Variants in NUCB2 observed in about 807,000 individuals in gnomAD.
NUCB2 encodes nucleobindin-2.
NUCB2 carries 48 observed loss-of-function variants against 57.9 expected under a neutral mutation model. The observed-to-expected ratio is 0.83, with a 90% CI of 0.66 to 1.05. NUCB2 has a LOEUF of 1.05. Ranked by LOEUF, NUCB2 falls within the 50% of genes least tolerant of loss-of-function variation. The probability of loss-of-function intolerance (pLI) is 0.00; values close to 1 mark genes in which losing one functional copy is unlikely to be tolerated. For synonymous variants in NUCB2, 139 were observed against 152.1 expected (o/e 0.91, Z 0.64); for missense variants, 442 against 476.2 (o/e 0.93, Z 0.67).
chr11:17,343,107 T>C (rs1181679374), intron 2 of NUCB2, among the ~76,000 whole-genome samples: 2 of 151,898 alleles, frequency 1.3e-5, no homozygotes, highest in African/African-American at 4.8e-5. Flanking sequence ...TGGTTTAAAG[T>C]CTGTTTTATC....
intron 10 of NUCB2, among the ~76,000 whole-genome samples, chr11:17,313,025 T>TC (rs1384814300): frequency 3.1e-4 from 47 of 151,852 alleles, no homozygotes; most frequent in Non-Finnish European, 6.3e-4. Context: ...TTTATTTTTT[T>TC]TAAGAGACAG....
At chr11:17,280,698 CTT>C in intron 1 of NUCB2, among the ~76,000 whole-genome samples, 1 of 152,296 alleles carries the variant, frequency 6.6e-6, no homozygotes, top group South Asian at 2.1e-4. Flanking sequence ...TGCATCAGGA[CTT>C]TGGTTCTGGC....
intron 2 of NUCB2, among the ~76,000 whole-genome samples, chr11:17,294,632 A>G (rs1246620514): frequency 7.9e-6 from 1 of 127,208 alleles, no homozygotes; most frequent in East Asian, 2.6e-4. Flanking sequence ...AAATGGGGTT[A>G]TGTGTTCTTT....
At chr11:17,282,681 T>G (rs1053834290) in intron 1 of NUCB2, 108 bp from the exon 2 acceptor site, 2 of 152,218 alleles carry the variant, frequency 1.3e-5, no homozygotes, top group Non-Finnish European at 2.9e-5. Flanking sequence ...ACTTTTCACA[T>G]TATGTGACAA....
At chr11:17,337,508 T>C (rs942171025) in exon 2 of NUCB2, 23 of 152,332 alleles carry the variant, frequency 1.5e-4, no homozygotes, top group African/African-American at 5.3e-4. Flanking sequence ...AAAATTCATT[T>C]GTTTCTGTTG....
At chr11:17,293,237 G>A (rs214104) in intron 2 of NUCB2, among the ~76,000 whole-genome samples, 32,786 of 142,582 alleles carry the variant, frequency 0.23, 4,520 homozygotes, top group East Asian at 0.35. Context: ...CTGGGCGATA[G>A]AGCAAGACTC....
At chr11:17,303,459 A>G (rs1947098954) in intron 5 of NUCB2, among the ~76,000 whole-genome samples, 1 of 152,232 alleles carries the variant, frequency 6.6e-6, no homozygotes, top group African/African-American at 2.4e-5. Flanking sequence ...ATTTTGATGT[A>G]TCAAAAAAAA....
intron 11 of NUCB2, among the ~76,000 whole-genome samples, chr11:17,328,317 C>T (rs545089253): frequency 3.3e-5 from 5 of 152,344 alleles, no homozygotes; most frequent in African/African-American, 7.2e-5. Context: ...GCCATCACCA[C>T]GGAACTGTGC....
At chr11:17,331,326 T>A (rs944512207) in intron 13 of NUCB2, 86 bp from the exon 14 acceptor site, 2 of 718,740 alleles carry the variant, frequency 2.8e-6, no homozygotes, top group African/African-American at 3.7e-5. Flanking sequence ...GCATATTTTT[T>A]AAAACAAGTA....
At chr11:17,308,470 C>T (rs1290342954) in intron 5 of NUCB2, among the ~76,000 whole-genome samples, 2 of 152,190 alleles carry the variant, frequency 1.3e-5, no homozygotes, top group Admixed American at 1.3e-4. Flanking sequence ...GTGCTAATTC[C>T]CATTCATCTC....
In NUCB2 at chr11:17,330,791, A is replaced by T; in HGVS notation, c.1174-111A>T. 1.3e-6 allele frequency: 1 copy of T among 747,568 alleles called. No homozygotes were observed. The highest frequency in any genetic ancestry group is 2.7e-5 in the East Asian group (1 of 36,738). 46.3% of individuals were successfully genotyped at this position (747,568 alleles called of 1,614,324 possible). ...GTCAAATCTAAATCTTATAGTTTGA[A>T]TATCTTTGTTTTAGAAAACAATTTT... On this transcript the variant is annotated intron_variant, in intron 12 of 13. Transcript: ENST00000529010. This position sits in a 1 kb window ranked among gnomAD's most constrained non-coding sequence, Gnocchi z 4.3.
At chr11:17,282,150 A>T (rs538243986) in intron 1 of NUCB2, among the ~76,000 whole-genome samples, 7 of 151,228 alleles carry the variant, frequency 4.6e-5, no homozygotes, top group Non-Finnish European at 8.8e-5. Context: ...TAGTTATTCA[A>T]GAGTGGAGGA....
At chr11:17,291,567 T>C (rs1405108214) in intron 2 of NUCB2, among the ~76,000 whole-genome samples, 1 of 45,238 alleles carries the variant, frequency 2.2e-5, no homozygotes, top group Non-Finnish European at 5.1e-5. Context: ...AAAATCAGTC[T>C]TTTGTCCTTT....
At position 17,296,207 on chromosome 11, in the gene NUCB2, T is replaced by C. The variant is rs1017413459; in HGVS notation, c.248T>C (p.Ile83Thr). 4.4e-6 allele frequency: 7 copies of C among 1,582,880 alleles called. No homozygotes were observed. The Admixed American group carries it at 5.1e-5, about 11-fold the overall frequency. ...CTCCAGAAAGCAGACATAGAGGAAA[T>C]AAAGGTAAATGCAATTCAATAATAT... Reference protein sequence around the residue: ...EKLQKADIEEIKSGRLSKELD... With the variant: ...EKLQKADIEETKSGRLSKELD... Residue 83 changes from isoleucine (I) to threonine (T), a missense_variant, in exon 4 of 14, where the codon ATA becomes ACA. Physicochemically the swap from Ile to Thr is moderately conservative, Grantham distance 89. Coordinates refer to ENST00000529010, the MANE Select transcript of NUCB2 (RefSeq NM_005013.4).
At chr11:17,349,106 ATC>A (rs1486583405) in intron 2 of NUCB2, among the ~76,000 whole-genome samples, 1 of 151,972 alleles carries the variant, frequency 6.6e-6, no homozygotes, top group African/African-American at 2.4e-5. Flanking sequence ...CTGAGCCAAA[ATC>A]TCTCTCCAAC....
At position 17,331,451 on chromosome 11, in the gene NUCB2, C is replaced by T. The variant is rs1315826466; in HGVS notation, c.*32C>T. The T allele has an allele frequency of 1.4e-6, 2 of 1,399,386 alleles. No individual in the cohort carries two copies. The highest frequency in any genetic ancestry group is 1.9e-6 in the Non-Finnish European group (2 of 1,059,788). 86.7% of individuals were successfully genotyped at this position (1,399,386 alleles called of 1,614,324 possible). A position where few individuals can be genotyped will look rare whatever the true frequency, so the allele number is the denominator to read the frequency against. Reference sequence around the variant, plus strand: ...AAGTCCACCAGAACTTGGAAGAAAGCTGTTAACTCAACATCTATTTCATCT... The same window carrying T: ...AAGTCCACCAGAACTTGGAAGAAAGTTGTTAACTCAACATCTATTTCATCT... On this transcript the variant is annotated 3_prime_UTR_variant, in exon 14 of 14. Transcript: ENST00000529010.
rs975712391 is a variant in NUCB2 at position 17,295,373 on chromosome 11, G to T, written c.50G>T (p.Cys17Phe). Residue 17 changes from cysteine (C) to phenylalanine (F), a missense_variant, in exon 3 of 14, where the codon TGT (cysteine) becomes TTT (phenylalanine). Cys to Phe is a radical substitution (Grantham distance 205). Coordinates refer to ENST00000529010, the MANE Select transcript of NUCB2 (RefSeq NM_005013.4). Reference sequence around the variant, plus strand: ...CAGTATTGCTTTCTCTTGATTACATGTTTACTTACTGCTCTTGAAGCTGTG... The same window carrying T: ...CAGTATTGCTTTCTCTTGATTACATTTTTACTTACTGCTCTTGAAGCTGTG... ...LLQYCFLLITCLLTALEAVPI... is the reference protein window; with the variant it reads ...LLQYCFLLITFLLTALEAVPI... 49 of 1,612,710 alleles carry T rather than the reference G, an allele frequency of 3.0e-5. No homozygotes were observed. Among genetic ancestry groups the T allele is most frequent in the Non-Finnish European group, 3.8e-5 (45 of 1,179,144 alleles).
chr11:17,312,988 G>C (rs1049944549), intron 10 of NUCB2, among the ~76,000 whole-genome samples: 2 of 151,560 alleles, frequency 1.3e-5, no homozygotes, highest in African/African-American at 4.8e-5. Context: ...TGGGATTACA[G>C]GCATGAGCCG....
chr11:17,292,971 C>T (rs984091675), intron 2 of NUCB2, among the ~76,000 whole-genome samples: 5 of 151,980 alleles, frequency 3.3e-5, no homozygotes, highest in African/African-American at 7.2e-5. Flanking sequence ...ATGTTGTCAG[C>T]GGCTAGGTGC....
Sources: allele counts gnomAD v4.1 joint callset (sites outside exome capture counted in the v4.1 genomes callset), GRCh38; gene constraint gnomAD v4.1.1; non-coding constraint Gnocchi (gnomAD v3.1); transcripts MANE v1.5; gene names NCBI Gene and HGNC (gene_info 2026-07-23, HGNC 2026-07-21).